Variants in DPP6 observed in about 807,000 individuals in gnomAD.
DPP6 encodes dipeptidyl peptidase like 6.
Under a neutral mutation model 122.6 loss-of-function variants are expected in DPP6, and 69 were observed. The ratio of observed to expected loss-of-function variants is 0.56; its 90% CI spans 0.46 to 0.69. The LOEUF (loss-of-function observed/expected upper bound fraction) is 0.69, where lower values mean the gene tolerates loss of function less well. DPP6 is among the 30% of genes least tolerant of loss of function. DPP6 has a pLI of 0.00. For synonymous variants in DPP6, 418 were observed against 433.1 expected (o/e 0.97, Z 0.43); for missense variants, 928 against 1,116.9 (o/e 0.83, Z 2.41).
At chr7:154,342,019 C>T (rs543950151) in intron 1 of DPP6, among the ~76,000 whole-genome samples, 25 of 152,296 alleles carry the variant, frequency 1.6e-4, no homozygotes, top group African/African-American at 6.0e-4. Context: ...ATCATCTCAT[C>T]ACCTGTGATT....
chr7:153,986,122 C>T (rs1231915403), intron 1 of DPP6, among the ~76,000 whole-genome samples: 4 of 152,306 alleles, frequency 2.6e-5, no homozygotes, highest in Non-Finnish European at 4.4e-5. Flanking sequence ...TTCTGATGTC[C>T]GACCTACATC....
At chr7:154,221,440 C>A (rs1800301630) in intron 1 of DPP6, among the ~76,000 whole-genome samples, 1 of 152,144 alleles carries the variant, frequency 6.6e-6, no homozygotes, top group African/African-American at 2.4e-5. Context: ...TGCACCCAGC[C>A]TACCACTGTG....
intron 3 of DPP6, among the ~76,000 whole-genome samples, chr7:154,482,080 T>G (rs1002441041): frequency 6.6e-6 from 1 of 152,222 alleles, no homozygotes; most frequent in African/African-American, 2.4e-5. Flanking sequence ...TCTTTTCTGA[T>G]CATGTGATTT....
At position 154,155,590 on chromosome 7, in the gene DPP6, C is replaced by G. The variant is rs139497549; in HGVS notation, c.243+102527C>G. The stretch of plus-strand genomic sequence containing the variant: ...GTTACAGAACTGCTGAGAAATTGGT[C>G]TGATGGTCTAGTAGCCTTGTGCCAG... On this transcript the variant is annotated intron_variant, in intron 1 of 25. Transcript: ENST00000377770. Among the ~76,000 whole-genome samples the G allele has an allele frequency of 1.2e-3, 176 of 152,320 alleles. 1 individual carries two copies. The highest frequency in any genetic ancestry group is 4.1e-3 in the African/African-American group (170 of 41,566).
intron 1 of DPP6, among the ~76,000 whole-genome samples, chr7:154,325,208 G>A (rs1183471609): frequency 6.6e-6 from 1 of 152,100 alleles, no homozygotes; most frequent in Admixed American, 6.6e-5. Context: ...CTTAGTGAGA[G>A]AAGGTGCCCA....
chr7:154,123,010 G>A (rs1383207889), intron 1 of DPP6, among the ~76,000 whole-genome samples: 17 of 152,050 alleles, frequency 1.1e-4, no homozygotes, highest in South Asian at 4.2e-4. Flanking sequence ...ACAGATCCTC[G>A]GGCACTGTTT....
chr7:154,662,746 T>C lies in DPP6; in HGVS notation c.681-6614T>C, dbSNP rs540132416. 1.3e-4 allele frequency among the ~76,000 whole-genome samples: 8 copies of C among 63,788 alleles called. 1 individual carries two copies. The highest frequency in any genetic ancestry group is 8.8e-4 in the South Asian group (1 of 1,136). 41.8% of individuals were successfully genotyped at this position (63,788 alleles called of 152,430 possible). ...TGGCATATTGGCCGTAGTGTTCATA[T>C]AGTCATGGTGAATCACCATGGCGTA... is the stretch of plus-strand genomic sequence containing the variant. On this transcript the variant is annotated intron_variant, in intron 6 of 25. Coordinates refer to ENST00000377770, the MANE Select transcript of DPP6 (RefSeq NM_130797.4).
chr7:154,579,382 A>G (rs1831895002), intron 5 of DPP6, among the ~76,000 whole-genome samples: 1 of 152,180 alleles, frequency 6.6e-6, no homozygotes, highest in Non-Finnish European at 1.5e-5. Flanking sequence ...GAAAAATCTT[A>G]TGTTTTCTTA....
intron 1 of DPP6, among the ~76,000 whole-genome samples, chr7:154,093,191 C>T (rs1804998366): frequency 6.7e-6 from 1 of 150,168 alleles, no homozygotes; most frequent in South Asian, 2.1e-4. Context: ...CACCACATGC[C>T]ACACAACTTA....
At chr7:153,768,598 C>G in the DPP6 span, among the ~76,000 whole-genome samples, 3 of 152,084 alleles carry the variant, frequency 2.0e-5, no homozygotes, top group African/African-American at 7.2e-5. Context: ...TTTTGCTGTA[C>G]GTTTTCTTGA....
In DPP6 at chr7:154,804,916, G is replaced by A; in HGVS notation, c.1500-1G>A. 6.2e-7 allele frequency: 1 copy of A among 1,601,684 alleles called. No homozygotes were observed. Among genetic ancestry groups the A allele is most frequent in the Non-Finnish European group, 8.5e-7 (1 of 1,173,868 alleles). ...CCTGTGCACCTTGGTGATCTTTGCA[G>A]CTACTTCCTGAGCACGGAGGACCTG... is the stretch of plus-strand genomic sequence containing the variant. On this transcript the variant is annotated splice_acceptor_variant, in intron 14 of 25. Coordinates refer to ENST00000377770, the MANE Select transcript of DPP6 (RefSeq NM_130797.4). LOFTEE classifies it high-confidence loss of function.
At chr7:154,873,508 AC>A (rs1345496448) in intron 19 of DPP6, among the ~76,000 whole-genome samples, 1 of 151,934 alleles carries the variant, frequency 6.6e-6, no homozygotes, top group Admixed American at 6.6e-5. Context: ...CAGTGCAACT[AC>A]CCCCTGAGTA....
intron 1 of DPP6, among the ~76,000 whole-genome samples, chr7:154,390,612 G>A (rs2151163888): frequency 6.6e-6 from 1 of 152,246 alleles, no homozygotes; most frequent in East Asian, 1.9e-4. Context: ...CTGCTTGTAG[G>A]ACTTCACATG....
At chr7:154,874,923 T>G (rs1440071392) in intron 19 of DPP6, among the ~76,000 whole-genome samples, 5 of 152,156 alleles carry the variant, frequency 3.3e-5, no homozygotes, top group Non-Finnish European at 5.9e-5. Flanking sequence ...AGACCCCATC[T>G]CTACAGATTA....
At chr7:153,860,185 C>T in the DPP6 span, among the ~76,000 whole-genome samples, 1 of 152,242 alleles carries the variant, frequency 6.6e-6, no homozygotes, top group South Asian at 2.1e-4. Context: ...TAAAAGTACA[C>T]CACTATTTCA....
At chr7:154,316,254 A>T (rs141782405) in intron 1 of DPP6, among the ~76,000 whole-genome samples, 9 of 152,236 alleles carry the variant, frequency 5.9e-5, no homozygotes, top group Non-Finnish European at 1.0e-4. Flanking sequence ...ACCCAAAAAC[A>T]TTTCTCTGCT....
chr7:154,075,463 A>T (rs527735208), intron 1 of DPP6, among the ~76,000 whole-genome samples: 2 of 152,268 alleles, frequency 1.3e-5, no homozygotes, highest in African/African-American at 4.8e-5. Flanking sequence ...ACACCATGGA[A>T]TACTACTCAG....
chr7:153,841,430 C>T, the DPP6 span, among the ~76,000 whole-genome samples: 17 of 152,120 alleles, frequency 1.1e-4, no homozygotes, highest in African/African-American at 3.1e-4. Flanking sequence ...GCTTTTTCAT[C>T]CCCTTCCAGA....
intron 1 of DPP6, among the ~76,000 whole-genome samples, chr7:154,178,309 A>G (rs1480970145): frequency 2.6e-5 from 4 of 152,104 alleles, no homozygotes; most frequent in African/African-American, 4.8e-5. Flanking sequence ...AAACTCTGAA[A>G]TAACCAAGGC....
Sources: allele counts gnomAD v4.1 joint callset (sites outside exome capture counted in the v4.1 genomes callset), GRCh38; gene constraint gnomAD v4.1.1; transcripts MANE v1.5; gene names NCBI Gene and HGNC (gene_info 2026-07-23, HGNC 2026-07-21).